NLRC5: variants seen among roughly 807,000 people sequenced by gnomAD.
The protein encoded by NLRC5 is NLR family CARD domain containing 5.
A neutral mutation model predicts 206.9 loss-of-function variants in NLRC5; 114 were observed. The ratio of observed to expected loss-of-function variants is 0.55; its 90% CI spans 0.47 to 0.64. The LOEUF is 0.64. Among genes scored for constraint, NLRC5 ranks in the 30% least tolerant of loss-of-function variants. NLRC5 has a pLI of 0.00. For missense variants in NLRC5, 2,008 were observed against 2,305.5 expected (o/e 0.87, Z 2.64); for synonymous variants, 952 against 962.8 (o/e 0.99, Z 0.21).
chr16:57,041,373 C>T, intron 17 of NLRC5, 112 bp from the exon 18 acceptor site: 2 of 818,992 alleles, frequency 2.4e-6, no homozygotes, highest in Non-Finnish European at 4.0e-6. Flanking sequence ...ATCCCAGTCC[C>T]TCCTCTCCTG....
Position 57,025,306 on chromosome 16 carries a change from A to G in NLRC5, c.425-62A>G, listed in dbSNP as rs150502987. 3.4e-5 allele frequency: 51 copies of G among 1,502,110 alleles called. No homozygotes were observed. The Middle Eastern group carries it at 1.6e-3, about 48-fold the overall frequency. 93.0% of individuals were successfully genotyped at this position (1,502,110 alleles called of 1,614,324 possible). A position where few individuals can be genotyped will look rare whatever the true frequency, so the allele number is the denominator to read the frequency against. On this transcript the variant is annotated intron_variant, in intron 5 of 48. Coordinates refer to ENST00000688547, the MANE Select transcript of NLRC5 (RefSeq NM_001384950.1). ...GCTCCCAACAGCCCAATACTGGGGCAAGAAGACATGAGCAGAGGGCCGGGG... is the reference window on the plus strand; with the variant it reads ...GCTCCCAACAGCCCAATACTGGGGCGAGAAGACATGAGCAGAGGGCCGGGG...
At chr16:57,007,232 TAC>T (rs1360373966) in intron 1 of NLRC5, among the ~76,000 whole-genome samples, 11 of 152,176 alleles carry the variant, frequency 7.2e-5, no homozygotes, top group Admixed American at 1.3e-4. Context: ...TGTATGCAAA[TAC>T]ACACACATTT....
At chr16:57,054,697 T>G in intron 24 of NLRC5, 54 bp from the exon 25 acceptor site, 1 of 1,017,672 alleles carries the variant, frequency 9.8e-7, no homozygotes, top group Non-Finnish European at 1.5e-6. Flanking sequence ...CCCTCCAGGC[T>G]AGCCAGGTTC....
At chr16:57,066,245 G>T (rs1597422124) in intron 33 of NLRC5, among the ~76,000 whole-genome samples, 1 of 152,018 alleles carries the variant, frequency 6.6e-6, no homozygotes, top group Admixed American at 6.5e-5. Flanking sequence ...AGGCTGCAGT[G>T]AGCTATGATC....
chr16:56,998,621 G>A (rs1343657044), intron 1 of NLRC5, among the ~76,000 whole-genome samples: 1 of 152,172 alleles, frequency 6.6e-6, no homozygotes, highest in African/African-American at 2.4e-5. Flanking sequence ...GCCTTGCTCC[G>A]AAATTCATGC....
intron 47 of NLRC5, 146 bp from the exon 48 acceptor site, chr16:57,081,381 C>A: frequency 1.1e-6 from 1 of 897,984 alleles, no homozygotes; most frequent in Non-Finnish European, 1.8e-6. Flanking sequence ...TGCCACCAGT[C>A]CCCTGTTGTC....
rs1411298385 is a variant in NLRC5 at position 57,043,708 on chromosome 16, T to C, written c.3203+104T>C. 4 of 871,970 alleles carry C rather than the reference T, an allele frequency of 4.6e-6. No individual in the cohort carries two copies. In the Admixed American group the frequency reaches 5.2e-5, roughly 11 times the overall value. The allele number at this position is 871,970 out of a possible 1,614,324, so 54.0% of individuals were successfully genotyped here. A position where few individuals can be genotyped will look rare whatever the true frequency, so the allele number is the denominator to read the frequency against. Reference sequence around the variant, plus strand: ...CCACCAGTTTCATGCCAACCTGTCATCCTCAGCACCTTGGGCAGTACCAGA... The same window carrying C: ...CCACCAGTTTCATGCCAACCTGTCACCCTCAGCACCTTGGGCAGTACCAGA... On this transcript the variant is annotated intron_variant, in intron 20 of 48. Coordinates refer to ENST00000688547, the MANE Select transcript of NLRC5 (RefSeq NM_001384950.1).
intron 24 of NLRC5, among the ~76,000 whole-genome samples, chr16:57,053,960 T>C (rs139865334): frequency 7.9e-5 from 12 of 151,192 alleles, no homozygotes; most frequent in Non-Finnish European, 1.2e-4. Context: ...ACTGCTGGGG[T>C]GGGATAGAAG....
At chr16:57,046,188 A>G (rs2063946591) in intron 21 of NLRC5, among the ~76,000 whole-genome samples, 1 of 152,180 alleles carries the variant, frequency 6.6e-6, no homozygotes, top group South Asian at 2.1e-4. Flanking sequence ...CGGGTTCTTG[A>G]GGCCCAAAGA....
chr16:57,008,021 T>C (rs55634433), intron 1 of NLRC5, among the ~76,000 whole-genome samples: 18,313 of 152,134 alleles, frequency 0.12, 1,814 homozygotes, highest in African/African-American at 0.27. Flanking sequence ...GTTGTTTTTT[T>C]CTTTTTTCAT....
intron 19 of NLRC5, among the ~76,000 whole-genome samples, chr16:57,042,689 C>G (rs2143740036): frequency 6.6e-6 from 1 of 152,336 alleles, no homozygotes; most frequent in African/African-American, 2.4e-5. Context: ...CAGGCTGTCT[C>G]TGTGAACACG....
rs1051433515 is a variant in NLRC5 at position 57,070,467 on chromosome 16, G to T, written c.4584-68G>T. Reference sequence around the variant, plus strand: ...GGGGACAGAGCAGGAGAGGGGAGCTGACAGGACAGCTCAGCTCCAGGGCTG... The same window carrying T: ...GGGGACAGAGCAGGAGAGGGGAGCTTACAGGACAGCTCAGCTCCAGGGCTG... On this transcript the variant is annotated intron_variant, in intron 37 of 48. Coordinates refer to ENST00000688547, the MANE Select transcript of NLRC5 (RefSeq NM_001384950.1). The T allele has an allele frequency of 9.2e-6, 13 of 1,413,826 alleles. 1 individual carries two copies. In the African/African-American group the frequency reaches 1.8e-4, roughly 20 times the overall value. The allele number at this position is 1,413,826 out of a possible 1,614,324, so 87.6% of individuals were successfully genotyped here.
intron 27 of NLRC5, among the ~76,000 whole-genome samples, chr16:57,057,717 G>A (rs1455581341): frequency 6.6e-6 from 1 of 152,230 alleles, no homozygotes; most frequent in African/African-American, 2.4e-5. Context: ...AGGACCAAGA[G>A]GATGGGTTTA....
chr16:57,059,804 G>A (rs1203587943), intron 30 of NLRC5, among the ~76,000 whole-genome samples: 1 of 152,118 alleles, frequency 6.6e-6, no homozygotes, highest in Non-Finnish European at 1.5e-5. Context: ...CCTGACTACA[G>A]GCCTTGAGGC....
chr16:57,041,452 G>T (rs750305413), intron 17 of NLRC5, 33 bp from the exon 18 acceptor site: 2 of 1,584,284 alleles, frequency 1.3e-6, no homozygotes, highest in African/African-American at 2.7e-5. Flanking sequence ...TGTTCAGTGG[G>T]GCATGCAGCA....
intron 6 of NLRC5, 93 bp from the exon 7 acceptor site, chr16:57,027,979 C>T (rs1442332228): frequency 2.7e-6 from 2 of 740,364 alleles, no homozygotes; most frequent in East Asian, 2.6e-5. Flanking sequence ...GTTAGTACTA[C>T]TGTATTAAGC....
At chr16:57,049,203 C>G (rs904067822) in intron 23 of NLRC5, among the ~76,000 whole-genome samples, 14 of 152,318 alleles carry the variant, frequency 9.2e-5, no homozygotes, top group African/African-American at 3.1e-4. Flanking sequence ...TCCTAGGCTG[C>G]ATGCAGCAGG....
At chr16:57,007,489 G>A (rs904842736) in intron 1 of NLRC5, among the ~76,000 whole-genome samples, 2 of 152,056 alleles carry the variant, frequency 1.3e-5, no homozygotes, top group African/African-American at 2.4e-5. Flanking sequence ...TTGGGAGGCC[G>A]AGGCAGGTAG....
intron 38 of NLRC5, among the ~76,000 whole-genome samples, chr16:57,072,595 C>T (rs927661438): frequency 1.2e-4 from 18 of 152,186 alleles, no homozygotes; most frequent in African/African-American, 3.9e-4. Flanking sequence ...CAGAAACAGC[C>T]TCAGTCTAAA....
Sources: allele counts gnomAD v4.1 joint callset (sites outside exome capture counted in the v4.1 genomes callset), GRCh38; gene constraint gnomAD v4.1.1; transcripts MANE v1.5; gene names NCBI Gene and HGNC (gene_info 2026-07-23, HGNC 2026-07-21).